The following ULK4 variants were observed in gnomAD, a reference collection of about 807,000 sequenced individuals.
ULK4 encodes unc-51 like kinase 4.
In ULK4, 133 loss-of-function variants were observed where a neutral mutation model predicts 160.6. The observed-to-expected ratio is 0.83, with a 90% confidence interval of 0.72 to 0.96. The LOEUF is 0.96. Ranked by LOEUF, ULK4 falls within the 40% of genes least tolerant of loss-of-function variation. The probability of loss-of-function intolerance (pLI) is 0.00; values close to 1 mark genes in which losing one functional copy is unlikely to be tolerated. For missense variants in ULK4, 1,580 were observed against 1,499.5 expected (o/e 1.05, Z -0.89); for synonymous variants, 534 against 539.8 (o/e 0.99, Z 0.15).
At chr3:41,648,185 C>G (rs1409701021) in intron 30 of ULK4, among the ~76,000 whole-genome samples, 1 of 152,196 alleles carries the variant, frequency 6.6e-6, no homozygotes, top group African/African-American at 2.4e-5. Flanking sequence ...TCAGCTCCCA[C>G]AAAGTGCGCT....
chr3:41,286,096 A>T (rs2079451512), intron 35 of ULK4, among the ~76,000 whole-genome samples: 1 of 152,096 alleles, frequency 6.6e-6, no homozygotes, highest in African/African-American at 2.4e-5. Context: ...TCTTTTGGGG[A>T]CCTCATTTTG....
At chr3:41,428,571 T>C (rs991821112) in intron 34 of ULK4, among the ~76,000 whole-genome samples, 10 of 151,946 alleles carry the variant, frequency 6.6e-5, no homozygotes, top group Admixed American at 2.6e-4. Context: ...CAAAAACATA[T>C]ACATTGAGCA....
intron 22 of ULK4, among the ~76,000 whole-genome samples, chr3:41,746,800 C>G (rs1446810635): frequency 6.6e-6 from 1 of 151,892 alleles, no homozygotes; most frequent in Non-Finnish European, 1.5e-5. Flanking sequence ...AAGGGACAGA[C>G]ACACAGATAA....
chr3:41,684,382 T>C lies in ULK4; in HGVS notation c.2782-2578A>G, dbSNP rs184698869. On this transcript the variant is annotated intron_variant, in intron 27 of 36. Transcript: ENST00000301831. The stretch of plus-strand genomic sequence containing the variant: ...CAGACTTGTCAGTTACAAACGTTGC[T>C]GCAGGTCCTTGAAACAAAAACTGGA... Among the ~76,000 whole-genome samples, 37 of 152,344 alleles carry C rather than the reference T, an allele frequency of 2.4e-4. No individual in the cohort carries two copies. The Middle Eastern group carries it at 0.017, about 70-fold the overall frequency.
At chr3:41,941,835 G>A (rs1425883931) in intron 2 of ULK4, among the ~76,000 whole-genome samples, 1 of 149,828 alleles carries the variant, frequency 6.7e-6, no homozygotes, top group African/African-American at 2.4e-5. Context: ...ACCACCTGGT[G>A]ACCATGTTTA....
intron 33 of ULK4, 55 bp from the exon 34 acceptor site, chr3:41,455,650 C>T: frequency 6.5e-7 from 1 of 1,549,732 alleles, no homozygotes; most frequent in Non-Finnish European, 8.9e-7. Context: ...TCAGCTTGGC[C>T]AAAGGAAACA....
chr3:41,452,002 C>A (rs1369327614), intron 34 of ULK4, among the ~76,000 whole-genome samples: 1 of 152,118 alleles, frequency 6.6e-6, no homozygotes. Context: ...CAAATACCAA[C>A]AAAAACTACC....
At chr3:41,606,908 G>C (rs1277495689) in intron 31 of ULK4, among the ~76,000 whole-genome samples, 1 of 152,046 alleles carries the variant, frequency 6.6e-6, no homozygotes, top group African/African-American at 2.4e-5. Context: ...CATTTTACAG[G>C]TTGTCTCTTC....
intron 17 of ULK4, among the ~76,000 whole-genome samples, chr3:41,863,631 CA>C (rs1177068984): frequency 6.6e-6 from 1 of 152,102 alleles, no homozygotes; most frequent in East Asian, 1.9e-4. Flanking sequence ...GCTGGTTATT[CA>C]GGGCCCAAAG....
intron 19 of ULK4, among the ~76,000 whole-genome samples, chr3:41,806,170 T>C (rs1276890339): frequency 2.0e-5 from 3 of 148,148 alleles, no homozygotes; most frequent in Non-Finnish European, 4.5e-5. Context: ...GAGCCTGTTA[T>C]TGGTCTATTC....
At chr3:41,443,730 C>A (rs1309285033) in intron 34 of ULK4, among the ~76,000 whole-genome samples, 1 of 148,550 alleles carries the variant, frequency 6.7e-6, no homozygotes, top group South Asian at 2.2e-4. Flanking sequence ...ATAAAATGAA[C>A]CTAATTTTAA....
chr3:41,443,428 A>C (rs1415312751), intron 34 of ULK4, among the ~76,000 whole-genome samples: 1 of 152,234 alleles, frequency 6.6e-6, no homozygotes, highest in Non-Finnish European at 1.5e-5. Context: ...TGTGCATAAA[A>C]TAAATAATGG....
intron 31 of ULK4, among the ~76,000 whole-genome samples, chr3:41,611,633 A>G (rs982353457): frequency 2.6e-5 from 4 of 152,004 alleles, no homozygotes; most frequent in African/African-American, 7.3e-5. Flanking sequence ...AGGAGCATGG[A>G]CACTCAAGTT....
At chr3:41,752,008 G>T (rs1248450885) in intron 22 of ULK4, among the ~76,000 whole-genome samples, 1 of 152,162 alleles carries the variant, frequency 6.6e-6, no homozygotes, top group African/African-American at 2.4e-5. Flanking sequence ...ACATGGTGAG[G>T]AACAGGGGTA....
intron 35 of ULK4, among the ~76,000 whole-genome samples, chr3:41,390,662 T>C (rs983274614): frequency 2.0e-5 from 3 of 151,914 alleles, no homozygotes; most frequent in African/African-American, 7.3e-5. Flanking sequence ...TCAGTTTCCA[T>C]GTAGTTGAGC....
chr3:41,956,328 G>C (rs1700485181), intron 1 of ULK4, among the ~76,000 whole-genome samples: 1 of 152,132 alleles, frequency 6.6e-6, no homozygotes, highest in Non-Finnish European at 1.5e-5. Context: ...AGCTCTAGGG[G>C]GTATTTGGAC....
At chr3:41,784,194 G>A (rs543862872) in intron 21 of ULK4, among the ~76,000 whole-genome samples, 1 of 152,102 alleles carries the variant, frequency 6.6e-6, no homozygotes, top group African/African-American at 2.4e-5. Flanking sequence ...CAGCACTTTG[G>A]GAGGCCGAGG....
At chr3:41,837,467 T>C (rs115681008) in intron 17 of ULK4, among the ~76,000 whole-genome samples, 1,881 of 152,306 alleles carry the variant, frequency 0.012, 49 homozygotes, top group African/African-American at 0.042. Flanking sequence ...ATGTTGATCA[T>C]ATACTATATT....
chr3:41,866,505 T>C (rs1308960672), intron 17 of ULK4, among the ~76,000 whole-genome samples: 6 of 152,240 alleles, frequency 3.9e-5, no homozygotes, highest in Middle Eastern at 3.4e-3. Flanking sequence ...CAGTTCACAA[T>C]AGGGTTCACG....
Sources: allele counts gnomAD v4.1 joint callset (sites outside exome capture counted in the v4.1 genomes callset), GRCh38; gene constraint gnomAD v4.1.1; transcripts MANE v1.5; gene names NCBI Gene and HGNC (gene_info 2026-07-23, HGNC 2026-07-21).